NREP: variants seen among roughly 807,000 people sequenced by gnomAD.
The protein encoded by NREP is neuronal regeneration related protein.
Under a neutral mutation model 8.6 loss-of-function variants are expected in NREP, and 5 were observed. The observed-to-expected ratio is 0.58, with a 90% CI of 0.30 to 1.22. The LOEUF (loss-of-function observed/expected upper bound fraction) is 1.22, where lower values mean the gene tolerates loss of function less well. Ranked by LOEUF, NREP falls within the 50% of genes most tolerant of loss-of-function variation. NREP has a pLI of 0.07. For synonymous variants in NREP, 27 were observed against 28.0 expected (o/e 0.96, Z 0.11); for missense variants, 86 against 82.5 (o/e 1.04, Z -0.17).
At chr5:111,832,748 G>A (rs760696780) in intron 2 of NREP, among the ~76,000 whole-genome samples, 6 of 152,188 alleles carry the variant, frequency 3.9e-5, no homozygotes, top group Non-Finnish European at 8.8e-5. Flanking sequence ...ACGCTTTCCA[G>A]GCAAAATGCC....
chr5:111,941,906 A>G (rs1375792759), intron 2 of NREP, among the ~76,000 whole-genome samples: 1 of 152,096 alleles, frequency 6.6e-6, no homozygotes, highest in Non-Finnish European at 1.5e-5. Context: ...TATGTGTTAT[A>G]TCACCACAAT....
At chr5:111,931,146 G>A (rs370795343) in intron 2 of NREP, among the ~76,000 whole-genome samples, 8 of 152,120 alleles carry the variant, frequency 5.3e-5, no homozygotes, top group African/African-American at 1.7e-4. Flanking sequence ...ACCTTCTGTG[G>A]TGGTTTTAAA....
intron 2 of NREP, among the ~76,000 whole-genome samples, chr5:111,936,955 G>T (rs952285491): frequency 6.6e-6 from 1 of 152,046 alleles, no homozygotes; most frequent in Admixed American, 6.6e-5. Context: ...TCCTTGGACA[G>T]TGGGCTCTCC....
chr5:111,945,264 G>A (rs1755944034), intron 2 of NREP, among the ~76,000 whole-genome samples: 1 of 151,932 alleles, frequency 6.6e-6, no homozygotes, highest in Non-Finnish European at 1.5e-5. Flanking sequence ...GATCCTATTT[G>A]CTATAGTTTC....
chr5:111,924,788 G>C (rs894164771), intron 2 of NREP, among the ~76,000 whole-genome samples: 1 of 152,098 alleles, frequency 6.6e-6, no homozygotes. Flanking sequence ...ATTTGGACCA[G>C]TATAGCAGTT....
At chr5:111,937,211 C>CA (rs971602534) in intron 2 of NREP, among the ~76,000 whole-genome samples, 6 of 151,982 alleles carry the variant, frequency 3.9e-5, no homozygotes, top group African/African-American at 1.4e-4. Flanking sequence ...TAAATGATGC[C>CA]AAAAGCAAAA....
chr5:111,920,274 AT>A (rs1338733568), intron 2 of NREP, among the ~76,000 whole-genome samples: 2 of 151,884 alleles, frequency 1.3e-5, no homozygotes, highest in African/African-American at 2.4e-5. Context: ...TATCATTTTT[AT>A]TTTTTTATTC....
At chr5:111,827,047 C>G (rs905189731) in intron 2 of NREP, among the ~76,000 whole-genome samples, 2 of 152,188 alleles carry the variant, frequency 1.3e-5, no homozygotes, top group Non-Finnish European at 2.9e-5. Flanking sequence ...TTCTTAAACA[C>G]TAATTCTGAT....
At chr5:111,773,362 G>T (rs1548149) in intron 2 of NREP, among the ~76,000 whole-genome samples, 46,706 of 151,946 alleles carry the variant, frequency 0.31, 7,426 homozygotes, top group Admixed American at 0.38. Flanking sequence ...GTATTTGGAG[G>T]TTACTAATTG....
intron 2 of NREP, among the ~76,000 whole-genome samples, chr5:111,778,520 T>C (rs1329181731): frequency 1.3e-5 from 2 of 152,282 alleles, no homozygotes; most frequent in African/African-American, 2.4e-5. Flanking sequence ...GAATTCCTTA[T>C]ATAAAGAGTT....
chr5:111,790,347 C>CTTTTTT lies in NREP; in HGVS notation c.136-54846_136-54841dup, dbSNP rs57775701. Among the ~76,000 whole-genome samples, 431 of 59,536 alleles carry CTTTTTT rather than the reference C, an allele frequency of 7.2e-3. 3 individuals are homozygous for CTTTTTT. Among genetic ancestry groups the CTTTTTT allele is most frequent in the Non-Finnish European group, 8.2e-3 (285 of 34,964 alleles). 39.1% of individuals were successfully genotyped at this position (59,536 alleles called of 152,430 possible). A position where few individuals can be genotyped will look rare whatever the true frequency, so the allele number is the denominator to read the frequency against. On this transcript the variant is annotated intron_variant, in intron 2 of 3. Transcript: ENST00000395634. ...TCACCCTATACTTCAAAAACCTTAA[C>CTTTTTT]TTTTTTTTTTTTTTTTTTTTTTTTT...
chr5:111,901,888 C>A (rs541767401), intron 2 of NREP, among the ~76,000 whole-genome samples: 1 of 152,238 alleles, frequency 6.6e-6, no homozygotes, highest in Non-Finnish European at 1.5e-5. Flanking sequence ...AAGCAATCTA[C>A]AGATTCAATG....
chr5:111,732,756 T>A (rs936268996), intron 3 of NREP: 2 of 152,006 alleles, frequency 1.3e-5, no homozygotes, highest in African/African-American at 4.8e-5. Flanking sequence ...GTCAACCAGT[T>A]ACCATGGTTC....
At chr5:111,920,439 T>C (rs1755205860) in intron 2 of NREP, among the ~76,000 whole-genome samples, 1 of 152,136 alleles carries the variant, frequency 6.6e-6, no homozygotes, top group Non-Finnish European at 1.5e-5. Context: ...TAGCTATTTG[T>C]CTTAATGAAA....
intron 2 of NREP, among the ~76,000 whole-genome samples, chr5:111,923,676 C>A (rs1164109370): frequency 6.6e-6 from 1 of 152,150 alleles, no homozygotes; most frequent in East Asian, 1.9e-4. Context: ...GGCTGGCTAT[C>A]CTTTAGCCAC....
intron 2 of NREP, among the ~76,000 whole-genome samples, chr5:111,897,265 C>A (rs1016611091): frequency 8.6e-5 from 13 of 152,020 alleles, no homozygotes; most frequent in Non-Finnish European, 2.9e-5. Flanking sequence ...TCCCAGGGCC[C>A]TACAGCTGGT....
intron 2 of NREP, among the ~76,000 whole-genome samples, chr5:111,778,339 G>A (rs6896265): frequency 6.6e-6 from 1 of 152,200 alleles, no homozygotes; most frequent in Non-Finnish European, 1.5e-5. Flanking sequence ...AGTGTTAAAT[G>A]TCCACAACAT....
intron 2 of NREP, among the ~76,000 whole-genome samples, chr5:111,926,204 C>A (rs762536732): frequency 3.9e-4 from 59 of 152,058 alleles, no homozygotes; most frequent in Non-Finnish European, 5.9e-4. Context: ...GGGGTAAAAG[C>A]GAAACTGGGG....
At position 111,887,009 on chromosome 5, in the gene NREP, AAC is replaced by A. The variant is rs1279741056; in HGVS notation, c.135+88263_135+88264del. Among the ~76,000 whole-genome samples the A allele has an allele frequency of 1.1e-4, 16 of 151,878 alleles. 1 individual carries two copies. The highest frequency in any genetic ancestry group is 7.9e-4 in the Admixed American group (12 of 15,220). On this transcript the variant is annotated intron_variant, in intron 2 of 3. Coordinates refer to the NREP transcript ENST00000395634. ...AAAAAATAGAAAAAATAAAAAAAAAAACATCCCAGGCTCAAGTGATCCTCATG... is the reference window on the plus strand; with the variant it reads ...AAAAAATAGAAAAAATAAAAAAAAAAATCCCAGGCTCAAGTGATCCTCATG...
Sources: allele counts gnomAD v4.1 joint callset (sites outside exome capture counted in the v4.1 genomes callset), GRCh38; gene constraint gnomAD v4.1.1; transcripts MANE v1.5; gene names NCBI Gene and HGNC (gene_info 2026-07-23, HGNC 2026-07-21).